Variants in MMP26 observed in about 807,000 individuals in gnomAD.
MMP26 encodes the protein matrix metalloproteinase-26.
In MMP26, 33 loss-of-function variants were observed where a neutral mutation model predicts 31.0. The ratio of observed to expected loss-of-function variants is 1.06; its 90% CI spans 0.81 to 1.42. MMP26 has a LOEUF of 1.42. Among genes scored for constraint, MMP26 ranks in the 40% most tolerant of loss-of-function variants. The probability of loss-of-function intolerance (pLI) is 0.00; values close to 1 mark genes in which losing one functional copy is unlikely to be tolerated. For synonymous variants in MMP26, 122 were observed against 114.9 expected, an observed-to-expected ratio of 1.06 and a Z score of -0.40; for missense variants, 347 against 316.1, an observed-to-expected ratio of 1.10 and a Z score of -0.74.
intron 1 of MMP26, among the ~76,000 whole-genome samples, chr11:4,734,169 G>C (rs1848207883): frequency 6.6e-6 from 1 of 152,024 alleles, no homozygotes; most frequent in Non-Finnish European, 1.5e-5. Flanking sequence ...TGATAAAATG[G>C]CTTCATAAAA....
chr11:4,739,921 G>A (rs535692748), intron 1 of MMP26, among the ~76,000 whole-genome samples: 12 of 152,082 alleles, frequency 7.9e-5, no homozygotes, highest in Non-Finnish European at 1.5e-4. Context: ...TGTAATTGCA[G>A]TTAAAAATGT....
At chr11:4,749,360 A>G (rs1443563129) in intron 1 of MMP26, among the ~76,000 whole-genome samples, 1 of 152,058 alleles carries the variant, frequency 6.6e-6, no homozygotes, top group Non-Finnish European at 1.5e-5. Flanking sequence ...CCATACTGCC[A>G]AAGCAATCTG....
intron 2 of MMP26, among the ~76,000 whole-genome samples, chr11:4,960,640 G>A (rs1158855843): frequency 1.8e-4 from 27 of 151,806 alleles, no homozygotes; most frequent in Non-Finnish European, 1.5e-5. Flanking sequence ...CCTGATTGCT[G>A]AAATCTCAAA....
chr11:4,988,555 C>T (rs533999835), intron 3 of MMP26, among the ~76,000 whole-genome samples: 5 of 152,190 alleles, frequency 3.3e-5, no homozygotes, highest in African/African-American at 1.2e-4. Context: ...CCTAATTCAG[C>T]CCCATTGCTC....
intron 2 of MMP26, among the ~76,000 whole-genome samples, chr11:4,802,051 G>C (rs1352334383): frequency 1.3e-5 from 2 of 152,148 alleles, no homozygotes; most frequent in African/African-American, 4.8e-5. Flanking sequence ...ATTTGAGTTA[G>C]TCATATGCTT....
chr11:4,715,248 A>G (rs1008627875), intron 1 of MMP26, among the ~76,000 whole-genome samples: 2 of 151,976 alleles, frequency 1.3e-5, no homozygotes, highest in African/African-American at 4.8e-5. Flanking sequence ...GGTGTATTTG[A>G]TCGTACAATG....
chr11:4,765,957 TTG>T (rs1463181395), intron 1 of MMP26, among the ~76,000 whole-genome samples: 1 of 152,218 alleles, frequency 6.6e-6, no homozygotes, highest in Non-Finnish European at 1.5e-5. Flanking sequence ...TTCTAGCTAA[TTG>T]TCACTCAGTA....
At chr11:4,904,423 G>A (rs1850851870) in intron 2 of MMP26, among the ~76,000 whole-genome samples, 1 of 151,986 alleles carries the variant, frequency 6.6e-6, no homozygotes, top group South Asian at 2.1e-4. Context: ...CTCTTCTTTT[G>A]GCATCTACTA....
intron 2 of MMP26, chr11:4,822,233 C>T (rs374318168): frequency 1.4e-5 from 22 of 1,579,886 alleles, no homozygotes; most frequent in Non-Finnish European, 1.5e-5. Context: ...CATTCAGCAC[C>T]TCCATTTGTC....
chr11:4,870,711 C>A (rs1850299227), intron 2 of MMP26, among the ~76,000 whole-genome samples: 1 of 151,982 alleles, frequency 6.6e-6, no homozygotes, highest in African/African-American at 2.4e-5. Context: ...CTGAAATGAA[C>A]CTTAAGCAGA....
At chr11:4,797,573 A>G (rs1849124856) in intron 2 of MMP26, among the ~76,000 whole-genome samples, 1 of 152,160 alleles carries the variant, frequency 6.6e-6, no homozygotes, top group Admixed American at 6.5e-5. Context: ...CAGGAAACCA[A>G]TTAAAGTGGG....
At chr11:4,888,388 T>A (rs1850571985) in intron 2 of MMP26, among the ~76,000 whole-genome samples, 1 of 152,128 alleles carries the variant, frequency 6.6e-6, no homozygotes. Flanking sequence ...TATATTGTTA[T>A]TTTATGCTAG....
chr11:4,769,894 T>C, intron 2 of MMP26: 2 of 1,608,230 alleles, frequency 1.2e-6, no homozygotes, highest in Non-Finnish European at 1.7e-6. Context: ...GAAATTTAGA[T>C]GTTGAGTTGC....
intron 2 of MMP26, chr11:4,974,014 T>C (rs576138482): frequency 6.6e-6 from 1 of 151,954 alleles, no homozygotes; most frequent in Non-Finnish European, 1.5e-5. Context: ...TATATAGACA[T>C]AATTCTTAGA....
intron 2 of MMP26, among the ~76,000 whole-genome samples, chr11:4,965,744 A>G (rs1269935014): frequency 6.6e-6 from 1 of 152,184 alleles, no homozygotes; most frequent in Non-Finnish European, 1.5e-5. Context: ...TTTATTGGTT[A>G]ACAGGAATCA....
intron 2 of MMP26, among the ~76,000 whole-genome samples, chr11:4,834,670 A>G (rs1849692078): frequency 6.6e-6 from 1 of 152,182 alleles, no homozygotes; most frequent in Non-Finnish European, 1.5e-5. Context: ...CTCGGTCAGG[A>G]ACAGGTCCTC....
rs1850234146 is a variant in MMP26 at position 4,866,342 on chromosome 11, T to C, written c.-145+99001T>C. The stretch of plus-strand genomic sequence containing the variant: ...AAAGAAAATTTAAAAACACAGCAAG[T>C]CTCTTAAAAGCAATTAAGAATCTAA... On this transcript the variant is annotated intron_variant, in intron 2 of 7. Coordinates refer to ENST00000380390, the MANE Select transcript of MMP26 (RefSeq NM_021801.5). 4.6e-5 allele frequency among the ~76,000 whole-genome samples: 7 copies of C among 152,070 alleles called. No individual in the cohort carries two copies. The South Asian group carries it at 1.2e-3, about 27-fold the overall frequency.
chr11:4,856,644 T>A (rs1452405357), intron 2 of MMP26, among the ~76,000 whole-genome samples: 1 of 152,132 alleles, frequency 6.6e-6, no homozygotes, highest in Non-Finnish European at 1.5e-5. Flanking sequence ...CACCCCACTG[T>A]CAACATTAGA....
intron 2 of MMP26, among the ~76,000 whole-genome samples, chr11:4,899,280 T>C (rs921600088): frequency 6.6e-6 from 1 of 152,202 alleles, no homozygotes. Flanking sequence ...AACTGCTTCA[T>C]TTGGGAATAG....
Sources: gnomAD v4.1 joint callset for allele counts (sites outside exome capture counted in the v4.1 genomes callset) on GRCh38, gnomAD v4.1.1 for gene constraint, MANE v1.5 for transcripts, NCBI Gene and HGNC (gene_info 2026-07-23, HGNC 2026-07-21) for gene names.